The following DMBX1 variants were observed in gnomAD, a reference collection of about 807,000 sequenced individuals.
DMBX1 encodes the protein diencephalon/mesencephalon homeobox protein 1.
In DMBX1, 7 loss-of-function variants were observed where a neutral mutation model predicts 30.4. The observed-to-expected ratio is 0.23, with a 90% CI of 0.13 to 0.43. DMBX1 has a LOEUF of 0.43. Ranked by LOEUF, DMBX1 falls within the 20% of genes least tolerant of loss-of-function variation. The probability of loss-of-function intolerance (pLI) is 1.00; values close to 1 mark genes in which losing one functional copy is unlikely to be tolerated. For synonymous variants in DMBX1, 222 were observed against 214.2 expected (o/e 1.04, Z -0.32); for missense variants, 460 against 508.5 (o/e 0.90, Z 0.92).
intron 2 of DMBX1, among the ~76,000 whole-genome samples, chr1:46,500,579 T>G (rs987571451): frequency 6.4e-5 from 2 of 31,482 alleles, no homozygotes; most frequent in South Asian, 8.8e-4. Context: ...AAGAAAGAAA[T>G]AATATAAATG....
At position 46,491,668 on chromosome 1, in the gene DMBX1, C is replaced by G. The variant is rs1004571128; in HGVS notation, c.-13+885C>G. ...TGCTAGGGATTCTGTGCGCTGCAGG[C>G]GGGTCAGCTCTGTCCAACCCCTTTC... On this transcript the variant is annotated intron_variant, in intron 2 of 5. Transcript: ENST00000360032. The surrounding 1 kb of genome is among the most constrained non-coding windows in gnomAD (Gnocchi z 5.5). 6.6e-6 allele frequency among the ~76,000 whole-genome samples: 1 copy of G among 152,146 alleles called. No individual in the cohort carries two copies. The highest frequency in any genetic ancestry group is 2.4e-5 in the African/African-American group (1 of 41,424).
rs1468562556 is a variant in DMBX1, at chr1:46,493,163, A to G, written c.-13+2380A>G. Reference sequence around the variant, plus strand: ...CGCAGTGCCCATGTAAATGACAGCAATAAATATCTAATCAAGGCCCCGGGC... The same window carrying G: ...CGCAGTGCCCATGTAAATGACAGCAGTAAATATCTAATCAAGGCCCCGGGC... On this transcript the variant is annotated intron_variant, in intron 2 of 5. Coordinates refer to ENST00000360032, the MANE Select transcript of DMBX1 (RefSeq NM_172225.2). This position sits in a 1 kb window ranked among gnomAD's most constrained non-coding sequence, Gnocchi z 4.1. Among the ~76,000 whole-genome samples, 1 of 152,150 alleles carries G rather than the reference A, an allele frequency of 6.6e-6. No homozygotes were observed. The highest frequency in any genetic ancestry group is 1.5e-5 in the Non-Finnish European group (1 of 68,020).
Position 46,512,052 on chromosome 1 carries a change from G to A in DMBX1, c.692G>A (p.Gly231Asp). The A allele has an allele frequency of 6.2e-7, 1 of 1,610,226 alleles. No individual in the cohort carries two copies. Among genetic ancestry groups the A allele is most frequent in the Non-Finnish European group, 8.5e-7 (1 of 1,178,906 alleles). The part of the protein sequence containing the change: ...KRGSPKADSP[G>D]SLTITPVAPG... ...GGTTCTCTGCTTGCAGATTCCCCAGGCAGCCTGACCATCACTCCTGTGGCC... is the reference window on the plus strand; with the variant it reads ...GGTTCTCTGCTTGCAGATTCCCCAGACAGCCTGACCATCACTCCTGTGGCC... Residue 231 changes from glycine (G) to aspartate (D), a missense_variant, in exon 6 of 6, where the codon GGC becomes GAC. Physicochemically the swap from Gly to Asp is moderately conservative, Grantham distance 94. Coordinates refer to ENST00000360032, the MANE Select transcript of DMBX1 (RefSeq NM_172225.2). This position sits in a 1 kb window ranked among gnomAD's most constrained non-coding sequence, Gnocchi z 4.8.
At chr1:46,511,317 G>A in intron 5 of DMBX1, 34 bp downstream of exon 5, 1 of 1,496,472 alleles carries the variant, frequency 6.7e-7, no homozygotes, top group Non-Finnish European at 8.9e-7. Context: ...GAGGGCTGGG[G>A]TCTGGGGGCC....
At chr1:46,492,560 C>T (rs879485718) in intron 2 of DMBX1, among the ~76,000 whole-genome samples, 3 of 152,080 alleles carry the variant, frequency 2.0e-5, no homozygotes, top group African/African-American at 4.8e-5. Flanking sequence ...GGGACATTGT[C>T]GGTGGTTTTT....
At chr1:46,504,352 A>G in intron 2 of DMBX1, among the ~76,000 whole-genome samples, 1 of 146,440 alleles carries the variant, frequency 6.8e-6, no homozygotes, top group African/African-American at 2.6e-5. Context: ...TTTTAGGTCT[A>G]ACGTTTAAGT....
At chr1:46,495,816 G>A (rs1026361929) in intron 2 of DMBX1, among the ~76,000 whole-genome samples, 20 of 152,232 alleles carry the variant, frequency 1.3e-4, no homozygotes, top group African/African-American at 4.6e-4. Flanking sequence ...TCCAGGTCAT[G>A]CTGGTGGAGG....
Position 46,491,614 on chromosome 1 carries a change from G to GGGC in DMBX1, c.-13+833_-13+835dup, listed in dbSNP as rs376936448. On this transcript the variant is annotated intron_variant, in intron 2 of 5. Coordinates refer to ENST00000360032, the MANE Select transcript of DMBX1 (RefSeq NM_172225.2). The surrounding 1 kb of genome is among the most constrained non-coding windows in gnomAD (Gnocchi z 5.5). ...TTCCTACCTGGCTGTGGCGATGGCA[G>GGGC]GGCGACCAGAGTCCTTTCCCCTCTC... is the stretch of plus-strand genomic sequence containing the variant. Among the ~76,000 whole-genome samples, 138 of 152,326 alleles carry GGGC rather than the reference G, an allele frequency of 9.1e-4. 1 individual carries two copies. The highest frequency in any genetic ancestry group is 3.0e-3 in the African/African-American group (125 of 41,566).
intron 2 of DMBX1, among the ~76,000 whole-genome samples, chr1:46,496,499 C>T (rs1666027115): frequency 6.6e-6 from 1 of 152,182 alleles, no homozygotes; most frequent in South Asian, 2.1e-4. Flanking sequence ...CCCTCATAGA[C>T]TTGGGGTAAG....
At chr1:46,492,015 G>T (rs974596474) in intron 2 of DMBX1, among the ~76,000 whole-genome samples, 3 of 152,220 alleles carry the variant, frequency 2.0e-5, no homozygotes, top group South Asian at 2.1e-4. Flanking sequence ...CTACTCAGGA[G>T]GGGGGTAAAC....
intron 2 of DMBX1, among the ~76,000 whole-genome samples, chr1:46,496,937 T>G (rs1375000306): frequency 6.6e-6 from 1 of 152,214 alleles, no homozygotes; most frequent in Non-Finnish European, 1.5e-5. Flanking sequence ...GAGGGACGGT[T>G]GCAGTGGCCT....
Position 46,510,425 on chromosome 1 carries a change from A to G in DMBX1, c.155-51A>G, listed in dbSNP as rs1486956426. On this transcript the variant is annotated intron_variant, in intron 3 of 5. Coordinates refer to ENST00000360032, the MANE Select transcript of DMBX1 (RefSeq NM_172225.2). This position sits in a 1 kb window ranked among gnomAD's most constrained non-coding sequence, Gnocchi z 4.1. ...AGGATAAGATTCAAAGCTATTTCCC[A>G]TAATTAAATGGGCCCCCTCTCCTTG... 8.8e-6 allele frequency: 14 copies of G among 1,587,376 alleles called. No individual in the cohort carries two copies. Among genetic ancestry groups the G allele is most frequent in the South Asian group, 1.1e-5 (1 of 87,824 alleles).
chr1:46,502,369 T>TC (rs1553186805), intron 2 of DMBX1, among the ~76,000 whole-genome samples: 3 of 150,858 alleles, frequency 2.0e-5, no homozygotes, highest in Admixed American at 6.6e-5. Context: ...CTTTTTTTTT[T>TC]CCCCTCTTTT....
Position 46,502,141 on chromosome 1 carries a change from G to A in DMBX1, c.-12-4858G>A, listed in dbSNP as rs1286686858. Among the ~76,000 whole-genome samples, 3 of 152,184 alleles carry A rather than the reference G, an allele frequency of 2.0e-5. No individual in the cohort carries two copies. The East Asian group carries it at 5.8e-4, about 29-fold the overall frequency. On this transcript the variant is annotated intron_variant, in intron 2 of 5. Coordinates refer to ENST00000360032, the MANE Select transcript of DMBX1 (RefSeq NM_172225.2). ...TGTGTGAATGCTGACTCTGAAGTCT[G>A]TAAATCTAGCCCTCAGCTCCAGACT...
chr1:46,500,992 T>G (rs141605083), intron 2 of DMBX1, among the ~76,000 whole-genome samples: 4 of 152,232 alleles, frequency 2.6e-5, no homozygotes, highest in African/African-American at 9.6e-5. Flanking sequence ...CGATGTACTC[T>G]CTAAAGGCTT....
At chr1:46,492,850 C>T (rs1665954835) in intron 2 of DMBX1, among the ~76,000 whole-genome samples, 1 of 152,174 alleles carries the variant, frequency 6.6e-6, no homozygotes, top group African/African-American at 2.4e-5. Flanking sequence ...AGGTTAAACT[C>T]ACGCAGACAC....
chr1:46,492,957 G>T (rs1013386757), intron 2 of DMBX1, among the ~76,000 whole-genome samples: 3 of 151,792 alleles, frequency 2.0e-5, no homozygotes, highest in Non-Finnish European at 2.9e-5. Flanking sequence ...GGGAGGGTGC[G>T]TCTACATTTT....
At chr1:46,502,423 A>G (rs1012118728) in intron 2 of DMBX1, among the ~76,000 whole-genome samples, 1 of 151,186 alleles carries the variant, frequency 6.6e-6, no homozygotes, top group African/African-American at 2.4e-5. Context: ...TGCTGATTCT[A>G]CCTTCAAAAT....
Position 46,510,585 on chromosome 1 carries a change from T to C in DMBX1, c.264T>C (p.Thr88=), listed in dbSNP as rs1177648246. ...CCCTGGAAAAGACCTTCCAGAAGAC[T>C]CACTACCCAGATGTGGTGATGCGTG... is the stretch of plus-strand genomic sequence containing the variant. ...LEALEKTFQK[T]HYPDVVMRER... Residue 88 remains threonine, a synonymous_variant, in exon 4 of 6, where the codon ACT becomes ACC. Coordinates refer to ENST00000360032, the MANE Select transcript of DMBX1 (RefSeq NM_172225.2). This position sits in a 1 kb window ranked among gnomAD's most constrained non-coding sequence, Gnocchi z 4.1. The C allele has an allele frequency of 2.5e-6, 4 of 1,613,880 alleles. No homozygotes were observed. Among genetic ancestry groups the C allele is most frequent in the Admixed American group, 3.3e-5 (2 of 59,990 alleles).
Sources: gnomAD v4.1 joint callset for allele counts (sites outside exome capture counted in the v4.1 genomes callset) on GRCh38, gnomAD v4.1.1 for gene constraint, Gnocchi (gnomAD v3.1) non-coding constraint, MANE v1.5 for transcripts, NCBI Gene and HGNC (gene_info 2026-07-23, HGNC 2026-07-21) for gene names.